The following NUDCD3 variants were observed in gnomAD, a reference collection of about 807,000 sequenced individuals.
NUDCD3 encodes NudC domain containing 3.
Under a neutral mutation model 39.7 loss-of-function variants are expected in NUDCD3, and 13 were observed. The ratio of observed to expected loss-of-function variants is 0.33; its 90% CI spans 0.21 to 0.52. The LOEUF is 0.52. Among genes scored for constraint, NUDCD3 ranks in the 20% least tolerant of loss-of-function variants. NUDCD3 has a pLI of 0.96. For missense variants in NUDCD3, 453 were observed against 458.1 expected, an observed-to-expected ratio of 0.99 and a Z score of 0.10; for synonymous variants, 175 against 172.4, an observed-to-expected ratio of 1.02 and a Z score of -0.12.
intron 2 of NUDCD3, among the ~76,000 whole-genome samples, chr7:44,433,307 G>A (rs1799400884): frequency 6.6e-6 from 1 of 152,162 alleles, no homozygotes; most frequent in Non-Finnish European, 1.5e-5. Flanking sequence ...TGTGTGCAGT[G>A]CACTGTGTGG....
intron 2 of NUDCD3, among the ~76,000 whole-genome samples, chr7:44,444,240 C>T (rs1234934236): frequency 1.3e-5 from 2 of 152,250 alleles, no homozygotes; most frequent in Admixed American, 1.3e-4. Flanking sequence ...AGGAGGCATC[C>T]TATCACCTGT....
chr7:44,462,866 T>A lies in NUDCD3; in HGVS notation c.509+22102A>T, dbSNP rs115847613. 6.8e-3 allele frequency among the ~76,000 whole-genome samples: 1,029 copies of A among 152,258 alleles called. 11 individuals carry two copies. The highest frequency in any genetic ancestry group is 0.023 in the African/African-American group (972 of 41,530). ...TCTGATTCTGGCCTTTACTAAAATGTAATTGCCTTTTTGAAAATACTCATC... is the reference window on the plus strand; with the variant it reads ...TCTGATTCTGGCCTTTACTAAAATGAAATTGCCTTTTTGAAAATACTCATC... On this transcript the variant is annotated intron_variant, in intron 2 of 5. Coordinates refer to ENST00000355451, the MANE Select transcript of NUDCD3 (RefSeq NM_015332.4).
chr7:44,440,361 C>T (rs924606986), intron 2 of NUDCD3, among the ~76,000 whole-genome samples: 1 of 152,020 alleles, frequency 6.6e-6, no homozygotes, highest in Non-Finnish European at 1.5e-5. Flanking sequence ...TGTGAACGTC[C>T]ATGAAAATCA....
intron 3 of NUDCD3, among the ~76,000 whole-genome samples, chr7:44,420,595 A>T (rs1481468317): frequency 6.6e-6 from 1 of 152,258 alleles, no homozygotes; most frequent in South Asian, 2.1e-4. Context: ...AAGGGCAGCC[A>T]GAGAGAAAGG....
chr7:44,387,736 G>A (rs1354216692), intron 5 of NUDCD3, among the ~76,000 whole-genome samples: 1 of 152,204 alleles, frequency 6.6e-6, no homozygotes, highest in Non-Finnish European at 1.5e-5. Context: ...TAGTAGACTT[G>A]ATCTTACAAC....
chr7:44,407,206 C>G (rs1010219742), intron 3 of NUDCD3, among the ~76,000 whole-genome samples: 1 of 150,174 alleles, frequency 6.7e-6, no homozygotes, highest in Non-Finnish European at 1.5e-5. Flanking sequence ...TTCAGACACA[C>G]AGTAGACAAA....
At chr7:44,386,379 G>C (rs781574276) in intron 5 of NUDCD3, among the ~76,000 whole-genome samples, 2 of 152,196 alleles carry the variant, frequency 1.3e-5, no homozygotes, top group Non-Finnish European at 2.9e-5. Context: ...TCCCCAGCAA[G>C]CACTGGCTCC....
chr7:44,488,562 A>G (rs1800666261), intron 1 of NUDCD3, among the ~76,000 whole-genome samples: 1 of 152,094 alleles, frequency 6.6e-6, no homozygotes, highest in Non-Finnish European at 1.5e-5. Context: ...TCTAGCTCCC[A>G]AAAGATCTAG....
At chr7:44,467,031 G>C (rs1009204462) in intron 2 of NUDCD3, among the ~76,000 whole-genome samples, 1 of 152,150 alleles carries the variant, frequency 6.6e-6, no homozygotes, top group Non-Finnish European at 1.5e-5. Flanking sequence ...GAGGGGCACT[G>C]ACTGGTTTCT....
rs1371192935 is a variant in NUDCD3, at chr7:44,379,711, T to C, written c.*6300A>G. 6.6e-6 allele frequency: 1 copy of C among 152,220 alleles called. No individual in the cohort carries two copies. Among genetic ancestry groups the C allele is most frequent in the Non-Finnish European group, 1.5e-5 (1 of 68,074 alleles). The allele number at this position is 152,220 out of a possible 1,614,324, so 9.4% of individuals were successfully genotyped here. On this transcript the variant is annotated 3_prime_UTR_variant, in exon 6 of 6. Coordinates refer to ENST00000355451, the MANE Select transcript of NUDCD3 (RefSeq NM_015332.4). Reference sequence around the variant, plus strand: ...GGCTGACCACCTCTGGTGAGAACACTGGAGAATAGTTTAGGGGTGCCCGAG... The same window carrying C: ...GGCTGACCACCTCTGGTGAGAACACCGGAGAATAGTTTAGGGGTGCCCGAG...
At chr7:44,396,119 GTGTGTGTT>G (rs1186367970) in intron 4 of NUDCD3, among the ~76,000 whole-genome samples, 5 of 151,456 alleles carry the variant, frequency 3.3e-5, no homozygotes, top group East Asian at 2.0e-4. Context: ...GTGTGTGTGT[GTGTGTGTT>G]TAATTACAGC....
chr7:44,384,577 A>C lies in NUDCD3; in HGVS notation c.*1434T>G, dbSNP rs1798367992. On this transcript the variant is annotated 3_prime_UTR_variant, in exon 6 of 6. Coordinates refer to ENST00000355451, the MANE Select transcript of NUDCD3 (RefSeq NM_015332.4). ...TAAACCAGAAACAAACCACAAACTT[A>C]CTCTCCAAGAGAGCCCCCACAACCC... is the stretch of plus-strand genomic sequence containing the variant. The C allele has an allele frequency of 6.6e-6, 1 of 151,988 alleles. No individual in the cohort carries two copies. The highest frequency in any genetic ancestry group is 2.4e-5 in the African/African-American group (1 of 41,362). The allele number at this position is 151,988 out of a possible 1,614,324, so 9.4% of individuals were successfully genotyped here.
intron 2 of NUDCD3, among the ~76,000 whole-genome samples, chr7:44,481,742 T>C (rs1800494483): frequency 6.6e-6 from 1 of 152,212 alleles, no homozygotes; most frequent in African/African-American, 2.4e-5. Flanking sequence ...AAGTGAACAA[T>C]GCTATAGACT....
intron 3 of NUDCD3, among the ~76,000 whole-genome samples, chr7:44,419,589 T>C (rs1204148956): frequency 2.0e-5 from 3 of 151,918 alleles, no homozygotes; most frequent in Admixed American, 1.3e-4. Context: ...AGACACCTCA[T>C]ACAAAAGAGC....
intron 2 of NUDCD3, among the ~76,000 whole-genome samples, chr7:44,464,042 C>T (rs763173144): frequency 1.3e-5 from 2 of 151,552 alleles, no homozygotes; most frequent in Admixed American, 6.6e-5. Flanking sequence ...GGTGAAACCC[C>T]GTCTCTACTA....
At chr7:44,483,174 AATG>A (rs1292179855) in intron 2 of NUDCD3, among the ~76,000 whole-genome samples, 1 of 152,164 alleles carries the variant, frequency 6.6e-6, no homozygotes, top group East Asian at 1.9e-4. Flanking sequence ...TGCTCAAACT[AATG>A]ATAATAACTT....
chr7:44,471,857 G>C (rs530226447), intron 2 of NUDCD3: 1 of 152,238 alleles, frequency 6.6e-6, no homozygotes, highest in African/African-American at 2.4e-5. Flanking sequence ...TTACTGCACC[G>C]GTCACAAGGG....
intron 3 of NUDCD3, among the ~76,000 whole-genome samples, chr7:44,423,093 C>T (rs781301642): frequency 3.2e-4 from 49 of 152,252 alleles, no homozygotes; most frequent in Admixed American, 2.7e-3. Flanking sequence ...ATTCAACACC[C>T]CTTCATGCTA....
chr7:44,442,610 T>G (rs1452687737), intron 2 of NUDCD3, among the ~76,000 whole-genome samples: 1 of 152,146 alleles, frequency 6.6e-6, no homozygotes, highest in Admixed American at 6.5e-5. Context: ...GCTCACTCAT[T>G]GAATTACTTT....
Sources: gnomAD v4.1 joint callset for allele counts (sites outside exome capture counted in the v4.1 genomes callset) on GRCh38, gnomAD v4.1.1 for gene constraint, MANE v1.5 for transcripts, NCBI Gene and HGNC (gene_info 2026-07-23, HGNC 2026-07-21) for gene names.